Variants in RORA observed in about 807,000 individuals in gnomAD.
RORA encodes RAR related orphan receptor A, also known as nuclear receptor ROR-alpha.
Under a neutral mutation model 69.5 loss-of-function variants are expected in RORA, and 7 were observed. The observed-to-expected ratio is 0.10, with a 90% CI of 0.06 to 0.19. The LOEUF is 0.19. Among genes scored for constraint, RORA ranks in the 10% least tolerant of loss-of-function variants. The pLI, the probability that RORA is intolerant of heterozygous loss-of-function variation, is 1.00. For synonymous variants in RORA, 261 were observed against 240.8 expected (o/e 1.08, Z -0.78); for missense variants, 457 against 663.0 (o/e 0.69, Z 3.41).
chr15:61,172,323 C>G (rs912698746), intron 1 of RORA, among the ~76,000 whole-genome samples: 1 of 152,154 alleles, frequency 6.6e-6, no homozygotes, highest in South Asian at 2.1e-4. Context: ...TCCTTTCTTA[C>G]GGTGGCACAA....
chr15:61,018,078 C>T (rs1260950971), intron 1 of RORA, among the ~76,000 whole-genome samples: 1 of 152,222 alleles, frequency 6.6e-6, no homozygotes, highest in African/African-American at 2.4e-5. Context: ...CTATTTACTA[C>T]AATAGATCCT....
At chr15:60,794,497 G>A (rs950662166) in intron 1 of RORA, among the ~76,000 whole-genome samples, 2 of 152,076 alleles carry the variant, frequency 1.3e-5, no homozygotes, top group Admixed American at 6.5e-5. Flanking sequence ...GAAGAAAAAC[G>A]ACCATAAAGT....
rs1193591626 is a variant in RORA, at chr15:60,494,758, G to C, written c.*2697C>G. 6.6e-6 allele frequency: 1 copy of C among 152,178 alleles called. No individual in the cohort carries two copies. The highest frequency in any genetic ancestry group is 1.5e-5 in the Non-Finnish European group (1 of 68,040). 9.4% of individuals were successfully genotyped at this position (152,178 alleles called of 1,614,324 possible). ...TTCTTTCAGAAACACCTGGGAAGAA[G>C]CATCATATTACCTATCTTGGTTTAC... On this transcript the variant is annotated 3_prime_UTR_variant, in exon 11 of 11. Coordinates refer to ENST00000335670, the MANE Select transcript of RORA (RefSeq NM_134261.3).
intron 1 of RORA, among the ~76,000 whole-genome samples, chr15:61,123,653 G>C (rs2079120964): frequency 6.6e-6 from 1 of 152,192 alleles, no homozygotes; most frequent in African/African-American, 2.4e-5. Flanking sequence ...AATATAATTG[G>C]TCTGGGGTGT....
chr15:60,671,270 C>T (rs1488113921), intron 2 of RORA, among the ~76,000 whole-genome samples: 2 of 151,652 alleles, frequency 1.3e-5, no homozygotes, highest in East Asian at 1.9e-4. Context: ...CATTAATGTC[C>T]GTTAAAGGCT....
chr15:60,601,822 T>C (rs1596042065), intron 2 of RORA, among the ~76,000 whole-genome samples: 1 of 152,302 alleles, frequency 6.6e-6, no homozygotes, highest in African/African-American at 2.4e-5. Context: ...ACTGTAGTTA[T>C]GCATAGTCTT....
chr15:60,708,265 T>A lies in RORA; in HGVS notation c.167-29579A>T, dbSNP rs191237923. Among the ~76,000 whole-genome samples the A allele has an allele frequency of 8.4e-3, 1,275 of 151,820 alleles. 19 individuals carry two copies. The highest frequency in any genetic ancestry group is 0.029 in the African/African-American group (1,207 of 41,242). On this transcript the variant is annotated intron_variant, in intron 1 of 10. Coordinates refer to ENST00000335670, the MANE Select transcript of RORA (RefSeq NM_134261.3). ...GGTGAAACCCTGTCTCTACTAAAAA[T>A]ACAAAAATTAGCTGGGCTTGGTGGT...
At chr15:60,776,203 T>C (rs1250476439) in intron 1 of RORA, among the ~76,000 whole-genome samples, 1 of 151,214 alleles carries the variant, frequency 6.6e-6, no homozygotes, top group Non-Finnish European at 1.5e-5. Context: ...GCAGGCCTCG[T>C]CCCAACTCCT....
At chr15:61,064,228 C>T (rs1279753351) in intron 1 of RORA, among the ~76,000 whole-genome samples, 23 of 152,358 alleles carry the variant, frequency 1.5e-4, no homozygotes, top group East Asian at 1.9e-4. Context: ...AAGGGAAAGA[C>T]ACCAACTCAC....
rs143208381 is a variant in RORA, at chr15:60,612,844, T to C, written c.196+65813A>G. 9.6e-4 allele frequency among the ~76,000 whole-genome samples: 146 copies of C among 152,262 alleles called. 1 individual carries two copies. Among genetic ancestry groups the C allele is most frequent in the African/African-American group, 3.2e-3 (133 of 41,544 alleles). On this transcript the variant is annotated intron_variant, in intron 2 of 10. Coordinates refer to ENST00000335670, the MANE Select transcript of RORA (RefSeq NM_134261.3). ...CCTGAGTGACTCAATCTGTGATTCT[T>C]GGGAAGGGTTTAATGGACATATTTT...
At chr15:60,997,373 G>A (rs144198808) in intron 1 of RORA, among the ~76,000 whole-genome samples, 6 of 152,160 alleles carry the variant, frequency 3.9e-5, no homozygotes, top group Middle Eastern at 3.4e-3. Flanking sequence ...CAGCTGTCTC[G>A]TGCCAAACAT....
intron 2 of RORA, chr15:60,546,399 C>T (rs1007891053): frequency 2.6e-5 from 4 of 152,172 alleles, no homozygotes; most frequent in Non-Finnish European, 5.9e-5. Context: ...ATTTTGAGAT[C>T]GTGAGAGACT....
At chr15:60,940,574 A>C (rs1182638893) in intron 1 of RORA, among the ~76,000 whole-genome samples, 1 of 152,216 alleles carries the variant, frequency 6.6e-6, no homozygotes, top group Non-Finnish European at 1.5e-5. Flanking sequence ...GTATTGTTTC[A>C]GATGGTGGTT....
intron 1 of RORA, among the ~76,000 whole-genome samples, chr15:61,206,794 C>A (rs1171042259): frequency 6.6e-6 from 1 of 152,134 alleles, no homozygotes; most frequent in African/African-American, 2.4e-5. Context: ...GCTCAGCACA[C>A]GGGAGGGTCT....
chr15:60,885,807 C>A (rs1031869949), intron 1 of RORA, among the ~76,000 whole-genome samples: 3 of 152,220 alleles, frequency 2.0e-5, no homozygotes, highest in Non-Finnish European at 4.4e-5. Context: ...TCAACTTCCT[C>A]ATGTGTAAAA....
chr15:61,185,801 C>G lies in RORA; in HGVS notation c.166+43252G>C, dbSNP rs567512484. 1.2e-4 allele frequency among the ~76,000 whole-genome samples: 18 copies of G among 152,258 alleles called. No individual in the cohort carries two copies. In the East Asian group the frequency reaches 3.1e-3, roughly 26 times the overall value. ...CTCTTCCCCATGGCTCTGAGGGTCT[C>G]CTCAGGAGAAGGTCGTCGGCAGTCA... On this transcript the variant is annotated intron_variant, in intron 1 of 10. Transcript: ENST00000335670.
At chr15:60,784,479 C>A (rs1467289147) in intron 1 of RORA, among the ~76,000 whole-genome samples, 1 of 152,170 alleles carries the variant, frequency 6.6e-6, no homozygotes, top group Non-Finnish European at 1.5e-5. Flanking sequence ...AGCTTTGATT[C>A]CATCACTGTG....
chr15:60,668,681 A>T (rs986064227), intron 2 of RORA, among the ~76,000 whole-genome samples: 3 of 152,184 alleles, frequency 2.0e-5, no homozygotes, highest in African/African-American at 7.2e-5. Flanking sequence ...CTGGTGAGGG[A>T]AAGTGAATTT....
At chr15:61,003,150 GA>G (rs978485046) in intron 1 of RORA, among the ~76,000 whole-genome samples, 1 of 149,326 alleles carries the variant, frequency 6.7e-6, no homozygotes, top group South Asian at 2.1e-4. Context: ...AAAAAAAAAG[GA>G]AAAAAAAGAA....
Sources: allele counts gnomAD v4.1 joint callset (sites outside exome capture counted in the v4.1 genomes callset), GRCh38; gene constraint gnomAD v4.1.1; transcripts MANE v1.5; gene names NCBI Gene and HGNC (gene_info 2026-07-23, HGNC 2026-07-21).